CHM: variants seen among roughly 807,000 people sequenced by gnomAD.
CHM encodes CHM Rab escort protein.
Under a neutral mutation model 49.0 loss-of-function variants are expected in CHM, and 10 were observed. The ratio of observed to expected loss-of-function variants is 0.20; its 90% CI spans 0.13 to 0.35. The LOEUF is 0.35. CHM is among the 10% of genes least tolerant of loss of function. The pLI is 1.00. For missense variants in CHM, 455 were observed against 478.4 expected, an observed-to-expected ratio of 0.95 and a Z score of 0.46; for synonymous variants, 184 against 167.5, an observed-to-expected ratio of 1.10 and a Z score of -0.76.
chrX:85,888,132 T>C (rs1424085862), intron 12 of CHM, among the ~76,000 whole-genome samples: 3 of 106,961 alleles, frequency 2.8e-5, no homozygotes, highest in African/African-American at 1.0e-4. Context: ...CAGCAGCCCC[T>C]CCCATCACAT....
intron 14 of CHM, among the ~76,000 whole-genome samples, chrX:85,871,506 T>C (rs1216483492): frequency 3.6e-5 from 4 of 110,066 alleles, no homozygotes; most frequent in African/African-American, 1.3e-4. Flanking sequence ...ACAAGCTATT[T>C]ATAAACATTG....
chrX:86,005,014 T>C (rs1399300230), intron 2 of CHM, among the ~76,000 whole-genome samples: 3 of 112,091 alleles, frequency 2.7e-5, no homozygotes, highest in Non-Finnish European at 3.8e-5. Flanking sequence ...TAATTGGAAG[T>C]AAAGCACTCC....
At chrX:86,025,676 CA>C (rs759664490) in intron 2 of CHM, among the ~76,000 whole-genome samples, 3,053 of 37,191 alleles carry the variant, frequency 0.082, 59 homozygotes, top group South Asian at 0.22. Flanking sequence ...GATCCTGTGT[CA>C]AAAAAAAAAA....
At chrX:86,021,537 T>A (rs1369687022) in intron 2 of CHM, among the ~76,000 whole-genome samples, 1 of 110,396 alleles carries the variant, frequency 9.1e-6, no homozygotes, top group Non-Finnish European at 1.9e-5. Flanking sequence ...AAAGCTCACA[T>A]ACAACTTCCC....
chrX:85,882,649 T>C (rs1474548169), intron 12 of CHM, among the ~76,000 whole-genome samples: 4 of 111,689 alleles, frequency 3.6e-5, no homozygotes, highest in African/African-American at 1.3e-4. Flanking sequence ...GAAATCTTAG[T>C]GCAAAATAAG....
intron 2 of CHM, among the ~76,000 whole-genome samples, chrX:86,005,593 C>G (rs1198939932): frequency 8.9e-6 from 1 of 111,902 alleles, no homozygotes; most frequent in South Asian, 3.7e-4. Context: ...CACCACCAAT[C>G]CCAGAGAAAT....
Position 85,864,271 on chromosome X carries a change from G to A in CHM, c.*359C>T, listed in dbSNP as rs1383129481. On this transcript the variant is annotated 3_prime_UTR_variant, in exon 15 of 15. Coordinates refer to ENST00000357749, the MANE Select transcript of CHM (RefSeq NM_000390.4). Reference sequence around the variant, plus strand: ...ATACATGAGCTGGTTCTGAAAATGTGGCTTTCAAACAAAGATCCAAAGTGG... The same window carrying A: ...ATACATGAGCTGGTTCTGAAAATGTAGCTTTCAAACAAAGATCCAAAGTGG... 1.7e-5 allele frequency: 3 copies of A among 176,177 alleles called. No homozygotes were observed. Among genetic ancestry groups the A allele is most frequent in the Non-Finnish European group, 3.2e-5 (3 of 94,579 alleles). 14.5% of individuals were successfully genotyped at this position (176,177 alleles called of 1,213,427 possible).
intron 1 of CHM, among the ~76,000 whole-genome samples, chrX:86,037,525 C>A (rs1188673584): frequency 9.0e-6 from 1 of 111,691 alleles, no homozygotes; most frequent in Non-Finnish European, 1.9e-5. Context: ...TCAAACTTAA[C>A]ATAAAATTTA....
chrX:85,968,196 A>G, intron 4 of CHM, among the ~76,000 whole-genome samples: 1 of 112,440 alleles, frequency 8.9e-6, no homozygotes, highest in East Asian at 2.8e-4. Flanking sequence ...AAATCAGACT[A>G]TTCAGAAATT....
rs1038203643 is a variant in CHM, at chrX:85,956,390, T to C, written c.941-12A>G. 1.7e-6 allele frequency: 2 copies of C among 1,200,458 alleles called. No homozygotes were observed. The highest frequency in any genetic ancestry group is 3.5e-5 in the African/African-American group (2 of 57,452). On this transcript the variant is annotated splice_polypyrimidine_tract_variant and intron_variant, in intron 7 of 14. Coordinates refer to ENST00000357749, the MANE Select transcript of CHM (RefSeq NM_000390.4). ...GATCTCTTCATATCCTATGAAAAGA[T>C]GAAATTTTATCACTTAAAATCAGAA...
intron 3 of CHM, among the ~76,000 whole-genome samples, chrX:85,979,535 G>A (rs1171003125): frequency 9.0e-6 from 1 of 111,676 alleles, no homozygotes; most frequent in Non-Finnish European, 1.9e-5. Flanking sequence ...CCGTTAAAAT[G>A]TTCAGTAATT....
At chrX:85,926,123 A>T (rs1928063211) in intron 8 of CHM, among the ~76,000 whole-genome samples, 1 of 104,251 alleles carries the variant, frequency 9.6e-6, no homozygotes, top group South Asian at 4.3e-4. Flanking sequence ...TAAAAATGTT[A>T]AAAAAAAAAC....
Position 86,004,106 on chromosome X carries a change from T to G in CHM, c.117-22297A>C, listed in dbSNP as rs767534696. 1.4e-4 allele frequency among the ~76,000 whole-genome samples: 16 copies of G among 111,959 alleles called. No individual in the cohort carries two copies. In the South Asian group the frequency reaches 5.6e-3, roughly 39 times the overall value. On this transcript the variant is annotated intron_variant, in intron 2 of 14. Coordinates refer to ENST00000357749, the MANE Select transcript of CHM (RefSeq NM_000390.4). Reference sequence around the variant, plus strand: ...AGCCAGAAGAGAGTGGGGGCCAATATTCAACATTCTTAAACGAAAGAATTT... The same window carrying G: ...AGCCAGAAGAGAGTGGGGGCCAATAGTCAACATTCTTAAACGAAAGAATTT...
chrX:85,913,333 AAAGAAAGAAAGAAAGAAAG>A (rs1364408951), intron 8 of CHM, among the ~76,000 whole-genome samples: 53 of 25,208 alleles, frequency 2.1e-3, no homozygotes, highest in African/African-American at 8.0e-3. Flanking sequence ...AAAAAAAAAA[AAAGAAAGAAAGAAAGAAAG>A]AAAGAAAGAA....
At chrX:85,985,163 A>G (rs1003497827) in intron 2 of CHM, among the ~76,000 whole-genome samples, 2 of 112,538 alleles carry the variant, frequency 1.8e-5, no homozygotes, top group African/African-American at 3.2e-5. Context: ...CAGAGCTCCC[A>G]GCGGGAGAGG....
At chrX:85,987,911 C>T (rs1413863810) in intron 2 of CHM, among the ~76,000 whole-genome samples, 1 of 111,837 alleles carries the variant, frequency 8.9e-6, no homozygotes, top group Middle Eastern at 4.2e-3. Context: ...GATGGATTCA[C>T]AGCCGAATTC....
intron 8 of CHM, among the ~76,000 whole-genome samples, chrX:85,941,140 T>C (rs1433347899): frequency 1.8e-5 from 2 of 111,840 alleles, no homozygotes; most frequent in African/African-American, 3.2e-5. Flanking sequence ...ATGAAAAAAA[T>C]TACATTTACA....
intron 8 of CHM, among the ~76,000 whole-genome samples, chrX:85,933,314 A>G (rs2148196994): frequency 8.9e-6 from 1 of 112,665 alleles, no homozygotes; most frequent in Admixed American, 9.4e-5. Context: ...ACAATGGCTC[A>G]TATAGTGCTG....
At chrX:85,897,580 C>T (rs754983519) in intron 11 of CHM, among the ~76,000 whole-genome samples, 8 of 109,504 alleles carry the variant, frequency 7.3e-5, no homozygotes, top group South Asian at 3.9e-4. Flanking sequence ...CTATTTTCAG[C>T]GAAGCAAGGT....
Sources: gnomAD v4.1 joint callset for allele counts (sites outside exome capture counted in the v4.1 genomes callset) on GRCh38, gnomAD v4.1.1 for gene constraint, MANE v1.5 for transcripts, NCBI Gene and HGNC (gene_info 2026-07-23, HGNC 2026-07-21) for gene names.